The following INTU variants were observed in gnomAD, a reference collection of about 807,000 sequenced individuals.
INTU encodes the protein protein inturned.
INTU carries 68 observed loss-of-function variants against 100.5 expected under a neutral mutation model. That is an observed-to-expected ratio of 0.68 (90% CI 0.56 to 0.83). INTU has a LOEUF of 0.83. Among genes scored for constraint, INTU ranks in the 40% least tolerant of loss-of-function variants. The pLI is 0.00. For synonymous variants in INTU, 357 were observed against 395.7 expected (o/e 0.90, Z 1.16); for missense variants, 1,071 against 1,114.7 (o/e 0.96, Z 0.56).
chr4:127,633,441 T>A (rs1173903765), intron 1 of INTU, among the ~76,000 whole-genome samples: 1 of 152,154 alleles, frequency 6.6e-6, no homozygotes, highest in Non-Finnish European at 1.5e-5. Context: ...AATCTCCTCT[T>A]TTTGGTCATG....
At chr4:127,709,413 A>G (rs112511138) in intron 13 of INTU, among the ~76,000 whole-genome samples, 4 of 152,296 alleles carry the variant, frequency 2.6e-5, no homozygotes, top group South Asian at 2.1e-4. Context: ...TTGGGTCCCA[A>G]GGAACTTGTC....
At chr4:127,696,625 A>G (rs1414782186) in intron 8 of INTU, among the ~76,000 whole-genome samples, 2 of 151,354 alleles carry the variant, frequency 1.3e-5, no homozygotes, top group Non-Finnish European at 3.0e-5. Context: ...TTTCAAGGAA[A>G]CAGCTTTTGG....
chr4:127,724,279 G>C lies in INTU; in HGVS notation c.*7843G>C, dbSNP rs1731387922. 1 of 152,084 alleles carries C rather than the reference G, an allele frequency of 6.6e-6. No individual in the cohort carries two copies. The highest frequency in any genetic ancestry group is 1.5e-5 in the Non-Finnish European group (1 of 68,096). 9.4% of individuals were successfully genotyped at this position (152,084 alleles called of 1,614,324 possible). A position where few individuals can be genotyped will look rare whatever the true frequency, so the allele number is the denominator to read the frequency against. On this transcript the variant is annotated 3_prime_UTR_variant, in exon 16 of 16. Coordinates refer to ENST00000335251, the MANE Select transcript of INTU (RefSeq NM_015693.4). ...TACTAAAAATACAAAAATTAGCTGG[G>C]CGTGGTGGTGTGCACCTGTAATCCT...
intron 2 of INTU, among the ~76,000 whole-genome samples, chr4:127,653,722 T>C (rs1051682460): frequency 1.3e-5 from 2 of 150,786 alleles, no homozygotes; most frequent in South Asian, 4.2e-4. Flanking sequence ...GAGAGTTCTG[T>C]AGATGTCTAT....
At chr4:127,645,308 C>T (rs1168051244) in intron 2 of INTU, among the ~76,000 whole-genome samples, 2 of 152,098 alleles carry the variant, frequency 1.3e-5, no homozygotes, top group African/African-American at 4.8e-5. Context: ...TTTGGGGATA[C>T]TTGCCCTTAG....
intron 8 of INTU, 34 bp from the exon 9 acceptor site, chr4:127,699,976 T>C (rs769719701): frequency 6.6e-7 from 1 of 1,519,614 alleles, no homozygotes; most frequent in East Asian, 2.3e-5. Flanking sequence ...ATGAGTCAAA[T>C]GTTTATGTTA....
intron 1 of INTU, among the ~76,000 whole-genome samples, chr4:127,634,247 T>C (rs1316525836): frequency 6.6e-6 from 1 of 152,220 alleles, no homozygotes; most frequent in Non-Finnish European, 1.5e-5. Flanking sequence ...AAAAAATAAT[T>C]TTAAAATTCA....
In INTU at chr4:127,721,232, CTTAGTTCAGCCAGATATGAAAT is replaced by C. The variant is rs1224123316; in HGVS notation, c.*4798_*4819del. 1.3e-5 allele frequency: 2 copies of C among 152,140 alleles called. No individual in the cohort carries two copies. Among genetic ancestry groups the C allele is most frequent in the Non-Finnish European group, 2.9e-5 (2 of 68,004 alleles). The allele number at this position is 152,140 out of a possible 1,614,324, so 9.4% of individuals were successfully genotyped here. On this transcript the variant is annotated 3_prime_UTR_variant, in exon 16 of 16. Transcript: ENST00000335251. The stretch of plus-strand genomic sequence containing the variant: ...TTTTATTTCTCCTTCACTTATGAAG[CTTAGTTCAGCCAGATATGAAAT>C]TCTAGGTTGGAAATTCTTTCCTTTA...
chr4:127,672,657 A>G (rs1728984669), intron 5 of INTU, among the ~76,000 whole-genome samples: 1 of 152,036 alleles, frequency 6.6e-6, no homozygotes, highest in Non-Finnish European at 1.5e-5. Context: ...CAATGTGTGT[A>G]TCTTTTGTTG....
rs569997878 is a variant in INTU, at chr4:127,679,603, A to G, written c.1182-4806A>G. On this transcript the variant is annotated intron_variant, in intron 6 of 15. Coordinates refer to ENST00000335251, the MANE Select transcript of INTU (RefSeq NM_015693.4). The stretch of plus-strand genomic sequence containing the variant: ...AGAATCTCTGGGACACATTCAAAGC[A>G]GTGCATAGAGGGAAATTTATAGCAC... Among the ~76,000 whole-genome samples the G allele has an allele frequency of 2.6e-5, 4 of 152,318 alleles. No homozygotes were observed. In the East Asian group the frequency reaches 7.7e-4, roughly 29 times the overall value.
chr4:127,673,234 T>C (rs1207693621), intron 5 of INTU, among the ~76,000 whole-genome samples: 5 of 152,064 alleles, frequency 3.3e-5, no homozygotes, highest in East Asian at 1.9e-4. Flanking sequence ...CTGGAGTGCA[T>C]GGTGCAATCA....
At chr4:127,666,952 G>A (rs932496542) in intron 4 of INTU, among the ~76,000 whole-genome samples, 4 of 151,988 alleles carry the variant, frequency 2.6e-5, no homozygotes, top group Non-Finnish European at 5.9e-5. Context: ...TGGCAAAGAA[G>A]GAATTTACTT....
rs773462492 is a variant in INTU, at chr4:127,643,690, A to G, written c.316A>G (p.Lys106Glu). Residue 106 changes from lysine (K) to glutamate (E), a missense_variant, in exon 2 of 16, where the codon AAG becomes GAG. By Grantham distance (56) the Lys-to-Glu change is moderately conservative. Transcript: ENST00000335251. ...TGAAGATGACTACAAAGAAAGAAAA[A>G]AGTATGAACCCAAACTCAAGCAGTT... is the stretch of plus-strand genomic sequence containing the variant. Reference protein sequence around the residue: ...IIEDDYKERKKYEPKLKQFTK... With the variant: ...IIEDDYKERKEYEPKLKQFTK... 1.1e-5 allele frequency: 18 copies of G among 1,612,566 alleles called. No homozygotes were observed. The South Asian group carries it at 2.0e-4, about 18-fold the overall frequency.
At chr4:127,649,324 G>A (rs191142039) in intron 2 of INTU, among the ~76,000 whole-genome samples, 92 of 152,242 alleles carry the variant, frequency 6.0e-4, no homozygotes, top group African/African-American at 2.2e-3. Context: ...ACATATCTCT[G>A]TTGTCCAAGG....
chr4:127,660,493 T>G (rs1174455469), intron 3 of INTU, among the ~76,000 whole-genome samples: 4 of 152,216 alleles, frequency 2.6e-5, no homozygotes, highest in Non-Finnish European at 5.9e-5. Context: ...CTGGTCAGCT[T>G]CCACAGCTGC....
At chr4:127,669,334 G>A (rs1728825039) in intron 5 of INTU, among the ~76,000 whole-genome samples, 180 bp downstream of exon 5, 1 of 151,428 alleles carries the variant, frequency 6.6e-6, no homozygotes, top group African/African-American at 2.4e-5. Flanking sequence ...TATAGATAAC[G>A]AGCTCTGCAG....
At position 127,716,964 on chromosome 4, in the gene INTU, C is replaced by T. The variant is rs1340116791; in HGVS notation, c.*528C>T. ...GATTGCATTGAGGTTTCAAAAATAC[C>T]TCTTAAGTAAAATGTGCTTTTATTT... On this transcript the variant is annotated 3_prime_UTR_variant, in exon 16 of 16. Transcript: ENST00000335251. 6.6e-6 allele frequency: 1 copy of T among 152,036 alleles called. No homozygotes were observed. Among genetic ancestry groups the T allele is most frequent in the African/African-American group, 2.4e-5 (1 of 41,404 alleles). 9.4% of individuals were successfully genotyped at this position (152,036 alleles called of 1,614,324 possible).
rs1281616207 is a variant in INTU, at chr4:127,718,657, C to A, written c.*2221C>A. ...CATTTGTTTGTGTCCTCTCTGGTTT[C>A]CTTGAGCCGTGGTTTGTAGTTCTCC... On this transcript the variant is annotated 3_prime_UTR_variant, in exon 16 of 16. Coordinates refer to ENST00000335251, the MANE Select transcript of INTU (RefSeq NM_015693.4). 6.6e-6 allele frequency: 1 copy of A among 152,086 alleles called. No individual in the cohort carries two copies. The highest frequency in any genetic ancestry group is 2.4e-5 in the African/African-American group (1 of 41,404). 9.4% of individuals were successfully genotyped at this position (152,086 alleles called of 1,614,324 possible). A position where few individuals can be genotyped will look rare whatever the true frequency, so the allele number is the denominator to read the frequency against.
chr4:127,660,286 C>T (rs2126197047), intron 3 of INTU, among the ~76,000 whole-genome samples: 1 of 152,254 alleles, frequency 6.6e-6, no homozygotes, highest in African/African-American at 2.4e-5. Flanking sequence ...TTGAGTCACT[C>T]AGTGAGGTGG....
Sources: allele counts gnomAD v4.1 joint callset (sites outside exome capture counted in the v4.1 genomes callset), GRCh38; gene constraint gnomAD v4.1.1; transcripts MANE v1.5; gene names NCBI Gene and HGNC (gene_info 2026-07-23, HGNC 2026-07-21).